The following CMC1 variants were observed in gnomAD, a reference collection of about 807,000 sequenced individuals.
CMC1 encodes C-X9-C motif containing 1.
A neutral mutation model predicts 14.1 loss-of-function variants in CMC1; 14 were observed. That is an observed-to-expected ratio of 0.99 (90% CI 0.66 to 1.55). The LOEUF is 1.55. Among genes scored for constraint, CMC1 ranks in the 40% most tolerant of loss-of-function variants. CMC1 has a pLI of 0.00. For missense variants in CMC1, 127 were observed against 123.8 expected (o/e 1.03, Z -0.12); for synonymous variants, 50 against 38.4 (o/e 1.30, Z -1.12).
chr3:28,253,845 T>C (rs931958980), intron 1 of CMC1: 1 of 634,566 alleles, frequency 1.6e-6, no homozygotes, highest in Non-Finnish European at 2.5e-6. Context: ...AATGTTTTCA[T>C]TATTGAAAGG....
chr3:28,272,272 G>GA (rs1196328562), intron 2 of CMC1, among the ~76,000 whole-genome samples: 2 of 152,152 alleles, frequency 1.3e-5, no homozygotes, highest in Non-Finnish European at 2.9e-5. Flanking sequence ...AAGAAGTGGT[G>GA]AGAGAGGGCA....
intron 2 of CMC1, among the ~76,000 whole-genome samples, chr3:28,289,901 G>A (rs1276801447): frequency 1.3e-5 from 2 of 152,044 alleles, no homozygotes; most frequent in African/African-American, 4.8e-5. Context: ...ATAATACAAA[G>A]GGATTATATT....
chr3:28,284,626 A>G (rs934928171), intron 2 of CMC1, among the ~76,000 whole-genome samples: 18 of 152,202 alleles, frequency 1.2e-4, no homozygotes, highest in Admixed American at 9.8e-4. Context: ...GCAACAAACC[A>G]TATAGATTTT....
chr3:28,281,385 TA>T, intron 2 of CMC1, among the ~76,000 whole-genome samples: 1 of 152,368 alleles, frequency 6.6e-6, no homozygotes, highest in South Asian at 2.1e-4. Context: ...GAGTTTTTTC[TA>T]GGATTTAAAT....
chr3:28,294,982 A>ATT (rs35749278), intron 2 of CMC1, among the ~76,000 whole-genome samples: 5 of 151,608 alleles, frequency 3.3e-5, no homozygotes, highest in East Asian at 1.9e-4. Context: ...CATTATTGTT[A>ATT]TTTTTTTTAA....
intron 2 of CMC1, among the ~76,000 whole-genome samples, chr3:28,278,044 CTGATTGTGTGATTGATG>C (rs139978167): frequency 2.6e-4 from 38 of 143,618 alleles, no homozygotes; most frequent in South Asian, 7.1e-4. Flanking sequence ...CCATTTTTGT[CTGATTGTGTGATTGATG>C]TGATTGTGTG....
intron 2 of CMC1, among the ~76,000 whole-genome samples, chr3:28,293,168 G>C (rs1166683806): frequency 6.6e-6 from 1 of 152,070 alleles, no homozygotes. Flanking sequence ...ATATAGTTCT[G>C]TTTTCTTCCC....
At chr3:28,305,899 C>T (rs1457816685) in intron 2 of CMC1, among the ~76,000 whole-genome samples, 13 of 143,686 alleles carry the variant, frequency 9.0e-5, no homozygotes, top group African/African-American at 3.1e-4. Flanking sequence ...CATTCTTTTG[C>T]ACATGGCTAG....
At chr3:28,246,797 G>GT (rs1559396120) in intron 1 of CMC1, among the ~76,000 whole-genome samples, 10 of 139,330 alleles carry the variant, frequency 7.2e-5, no homozygotes, top group African/African-American at 2.4e-4. Context: ...GGGGTCCATT[G>GT]ATTTTTTTTT....
intron 2 of CMC1, among the ~76,000 whole-genome samples, chr3:28,294,006 A>C (rs1454914222): frequency 1.3e-5 from 2 of 152,208 alleles, no homozygotes; most frequent in African/African-American, 4.8e-5. Context: ...TTTCAAATAA[A>C]AGAAGAGAAT....
intron 2 of CMC1, among the ~76,000 whole-genome samples, chr3:28,304,697 A>C: frequency 6.6e-6 from 1 of 152,188 alleles, no homozygotes; most frequent in East Asian, 1.9e-4. Flanking sequence ...GTTGTATTCA[A>C]ATAATTTATA....
intron 2 of CMC1, among the ~76,000 whole-genome samples, chr3:28,298,062 G>A (rs971574928): frequency 6.6e-6 from 1 of 151,860 alleles, no homozygotes; most frequent in East Asian, 1.9e-4. Context: ...ATATTCTTTT[G>A]TGTTTAACAT....
At position 28,324,288 on chromosome 3, in the gene CMC1, T is replaced by A. The variant is rs1376168460; in HGVS notation, c.*4659T>A. 1 of 1,608,214 alleles carries A rather than the reference T, an allele frequency of 6.2e-7. No homozygotes were observed. Among genetic ancestry groups the A allele is most frequent in the Admixed American group, 1.7e-5 (1 of 59,582 alleles). ...TCCATGATTGGAGGATTGCTTTCTC[T>A]GATAAAACCTTTACATCTCCTGGTA... On this transcript the variant is annotated 3_prime_UTR_variant, in exon 4 of 4. Transcript: ENST00000466830.
intron 2 of CMC1, among the ~76,000 whole-genome samples, chr3:28,289,075 T>C (rs1266572313): frequency 6.6e-6 from 1 of 151,594 alleles, no homozygotes; most frequent in Admixed American, 6.6e-5. Flanking sequence ...TGAGTTTCTT[T>C]AAATATATTT....
intron 1 of CMC1, chr3:28,253,755 T>C: frequency 7.8e-7 from 1 of 1,285,358 alleles, no homozygotes; most frequent in Non-Finnish European, 1.0e-6. Context: ...CCAAACTGTC[T>C]TCAGGAGCAA....
At chr3:28,319,177 GT>G (rs1325413873) in intron 3 of CMC1, 15 of 447,098 alleles carry the variant, frequency 3.4e-5, no homozygotes, top group African/African-American at 3.0e-4. Context: ...TTTCTTCCTT[GT>G]TTCCATGGTG....
chr3:28,297,702 AT>A (rs1464526478), intron 2 of CMC1, among the ~76,000 whole-genome samples: 1 of 152,002 alleles, frequency 6.6e-6, no homozygotes, highest in Admixed American at 6.6e-5. Flanking sequence ...CAATTGTGAG[AT>A]TTTACATAAA....
chr3:28,257,233 A>T (rs1202782371), intron 1 of CMC1, among the ~76,000 whole-genome samples: 4 of 152,180 alleles, frequency 2.6e-5, no homozygotes, highest in Non-Finnish European at 4.4e-5. Flanking sequence ...TATCCTAATT[A>T]AGACATTTTT....
At chr3:28,245,283 C>A (rs1182381564) in intron 1 of CMC1, among the ~76,000 whole-genome samples, 3 of 151,792 alleles carry the variant, frequency 2.0e-5, no homozygotes, top group South Asian at 4.1e-4. Flanking sequence ...CATTATTTTC[C>A]TTTTTTTTGT....
Sources: allele counts gnomAD v4.1 joint callset (sites outside exome capture counted in the v4.1 genomes callset), GRCh38; gene constraint gnomAD v4.1.1; transcripts MANE v1.5; gene names NCBI Gene and HGNC (gene_info 2026-07-23, HGNC 2026-07-21).